RNF40: variants seen among roughly 807,000 people sequenced by gnomAD.
The protein encoded by RNF40 is ring finger protein 40.
In RNF40, 39 loss-of-function variants were observed where a neutral mutation model predicts 123.3. The ratio of observed to expected loss-of-function variants is 0.32; its 90% CI spans 0.24 to 0.41. The LOEUF (loss-of-function observed/expected upper bound fraction) is 0.41, where lower values mean the gene tolerates loss of function less well. Ranked by LOEUF, RNF40 falls within the 10% of genes least tolerant of loss-of-function variation. The pLI is 1.00. For missense variants in RNF40, 1,003 were observed against 1,319.9 expected (o/e 0.76, Z 3.72); for synonymous variants, 538 against 526.0 (o/e 1.02, Z -0.31).
At position 30,763,180 on chromosome 16, in the gene RNF40, A is replaced by G; in HGVS notation, c.195A>G (p.Gln65=). The change falls in exon 3 of 20, where the codon CAA becomes CAG. Residue 65 remains glutamine, a synonymous_variant. Transcript: ENST00000324685. ...KNKKLAERLE[Q]RQACEDELRE... ...AGAAACTGGCAGAGCGGCTGGAACA[A>G]CGGCAGGCTTGTGAAGATGAACTCC... is the stretch of plus-strand genomic sequence containing the variant. 1 of 1,613,716 alleles carries G rather than the reference A, an allele frequency of 6.2e-7. No homozygotes were observed. Among genetic ancestry groups the G allele is most frequent in the Non-Finnish European group, 8.5e-7 (1 of 1,180,040 alleles).
chr16:30,765,544 G>A, intron 8 of RNF40, 45 bp downstream of exon 8: 1 of 1,556,694 alleles, frequency 6.4e-7, no homozygotes, highest in South Asian at 1.1e-5. Flanking sequence ...CCTCTTCTCT[G>A]TTGCACTCTT....
chr16:30,769,635 T>C, intron 17 of RNF40, 35 bp downstream of exon 17: 1 of 1,494,898 alleles, frequency 6.7e-7, no homozygotes, highest in Non-Finnish European at 8.9e-7. Flanking sequence ...CAGCTTGGGC[T>C]GCTGGCTCAC....
Position 30,768,309 on chromosome 16 carries a change from A to T in RNF40, c.1758A>T (p.Glu586Asp). The T allele has an allele frequency of 6.2e-7, 1 of 1,613,882 alleles. No homozygotes were observed. The highest frequency in any genetic ancestry group is 2.2e-5 in the East Asian group (1 of 44,870). Residue 586 changes from glutamate (E) to aspartate (D), a missense_variant, in exon 13 of 20, where the codon GAA (glutamate) becomes GAT (aspartate). Transcript: ENST00000324685. This position sits in a 1 kb window ranked among gnomAD's most constrained non-coding sequence, Gnocchi z 4.1. ...AGAAGGAGGAGCTGGTCCCCTCTGAAGAGGACTTCCAGGGTATAACCCCTG... is the reference window on the plus strand; with the variant it reads ...AGAAGGAGGAGCTGGTCCCCTCTGATGAGGACTTCCAGGGTATAACCCCTG... ...SVKKEELVPS[E>D]EDFQGITPGA...
chr16:30,772,035 C>A, intron 18 of RNF40, 54 bp from the exon 19 acceptor site: 1 of 1,581,564 alleles, frequency 6.3e-7, no homozygotes, highest in Non-Finnish European at 8.6e-7. Context: ...ATCCTGGGGG[C>A]AAGCGGCTCA....
chr16:30,767,652 AAC>A, intron 11 of RNF40: 1 of 439,790 alleles, frequency 2.3e-6, no homozygotes, highest in Non-Finnish European at 4.1e-6. Context: ...TTAAAAAAAA[AAC>A]AAAAAACCCC....
chr16:30,770,787 C>T (rs1372226508), intron 17 of RNF40, among the ~76,000 whole-genome samples: 1 of 152,188 alleles, frequency 6.6e-6, no homozygotes, highest in African/African-American at 2.4e-5. Flanking sequence ...TCTCAGTTCA[C>T]TGCAACCTCC....
Position 30,775,195 on chromosome 16 carries a change from A to G in RNF40, c.*1081A>G. 1 of 353,954 alleles carries G rather than the reference A, an allele frequency of 2.8e-6. No homozygotes were observed. The allele number at this position is 353,954 out of a possible 1,614,324, so 21.9% of individuals were successfully genotyped here. A position where few individuals can be genotyped will look rare whatever the true frequency, so the allele number is the denominator to read the frequency against. Reference sequence around the variant, plus strand: ...CGTTCAACCCTCGGCCTGCAGCCAGAGTAGCCAGGCCGCGCACCCCAAATG... The same window carrying G: ...CGTTCAACCCTCGGCCTGCAGCCAGGGTAGCCAGGCCGCGCACCCCAAATG... On this transcript the variant is annotated 3_prime_UTR_variant, in exon 20 of 20. Transcript: ENST00000324685.
At position 30,768,285 on chromosome 16, in the gene RNF40, G is replaced by A. The variant is rs1203661442; in HGVS notation, c.1734G>A (p.Lys578=). 2.5e-6 allele frequency: 4 copies of A among 1,613,910 alleles called. No homozygotes were observed. Among genetic ancestry groups the A allele is most frequent in the East Asian group, 2.2e-5 (1 of 44,888 alleles). Reference sequence around the variant, plus strand: ...CCACCACTACTACCACTTCAGTGAAGAAGGAGGAGCTGGTCCCCTCTGAAG... The same window carrying A: ...CCACCACTACTACCACTTCAGTGAAAAAGGAGGAGCTGGTCCCCTCTGAAG... ...PGTTTTTTSV[K]KEELVPSEED... is the part of the protein sequence containing the mutation. Residue 578 remains lysine (K), a synonymous_variant, in exon 13 of 20, where the codon AAG becomes AAA. Transcript: ENST00000324685. This position sits in a 1 kb window ranked among gnomAD's most constrained non-coding sequence, Gnocchi z 4.1.
Position 30,771,993 on chromosome 16 carries a change from G to T in RNF40, c.2727+20G>T. ...GCTCAGGTGTGTGCAGGGGTGAGGG[G>T]CCAGGCCAGGGTGGTCCACGGTCAC... On this transcript the variant is annotated intron_variant, in intron 18 of 19. Coordinates refer to ENST00000324685, the MANE Select transcript of RNF40 (RefSeq NM_014771.4). 1 of 1,586,564 alleles carries T rather than the reference G, an allele frequency of 6.3e-7. No individual in the cohort carries two copies. Among genetic ancestry groups the T allele is most frequent in the South Asian group, 1.1e-5 (1 of 87,656 alleles).
upstream of RNF40, chr16:30,762,038 G>C: frequency 4.1e-6 from 2 of 482,500 alleles, no homozygotes; most frequent in Non-Finnish European, 7.3e-6. Flanking sequence ...CCACCTGGGC[G>C]CCCTCTCTTC....
upstream of RNF40, chr16:30,761,664 C>T: frequency 2.0e-6 from 3 of 1,535,914 alleles, no homozygotes; most frequent in Non-Finnish European, 1.7e-6. Flanking sequence ...CGATCCTTCC[C>T]CGCTTCCCGC....
intron 11 of RNF40, 26 bp from the exon 12 acceptor site, chr16:30,767,868 A>C (rs1365693347): frequency 1.2e-6 from 2 of 1,613,974 alleles, no homozygotes; most frequent in South Asian, 1.1e-5. Flanking sequence ...TGGTTCTGAC[A>C]CCTTTACTTG....
At position 30,767,985 on chromosome 16, in the gene RNF40, G is replaced by C. The variant is rs1276099332; in HGVS notation, c.1521G>C (p.Lys507Asn). Residue 507 changes from lysine to asparagine, a missense_variant, in exon 12 of 20, where the codon AAG becomes AAC. Coordinates refer to ENST00000324685, the MANE Select transcript of RNF40 (RefSeq NM_014771.4). Reference sequence around the variant, plus strand: ...GGGACGCCCAGCGATACAAGCGGAAGCTTCGAGAAGTACAAGCTGAGATTG... The same window carrying C: ...GGGACGCCCAGCGATACAAGCGGAACCTTCGAGAAGTACAAGCTGAGATTG... The part of the protein sequence containing the change: ...LKGDAQRYKR[K>N]LREVQAEIGK... 6.2e-7 allele frequency: 1 copy of C among 1,614,208 alleles called. No homozygotes were observed. The highest frequency in any genetic ancestry group is 1.1e-5 in the South Asian group (1 of 91,084).
At position 30,774,735 on chromosome 16, in the gene RNF40, C is replaced by T. The variant is rs1235918864; in HGVS notation, c.*621C>T. ...CCTTTGGGAAGCTCTAAGGTTGCTG[C>T]AGTCACCTTCCTCATCTTGCAGGTG... On this transcript the variant is annotated 3_prime_UTR_variant, in exon 20 of 20. Coordinates refer to ENST00000324685, the MANE Select transcript of RNF40 (RefSeq NM_014771.4). The T allele has an allele frequency of 1.7e-5, 6 of 343,406 alleles. No homozygotes were observed. Among genetic ancestry groups the T allele is most frequent in the Non-Finnish European group, 3.5e-5 (6 of 173,664 alleles). The allele number at this position is 343,406 out of a possible 1,614,324, so 21.3% of individuals were successfully genotyped here. A position where few individuals can be genotyped will look rare whatever the true frequency, so the allele number is the denominator to read the frequency against.
In RNF40 at chr16:30,765,220, A is replaced by T. The variant is rs1223393569; in HGVS notation, c.811A>T (p.Lys271Ter). The change falls in exon 7 of 20, where the codon AAG becomes TAG. Residue 271 changes from lysine to a stop codon, truncating the protein, a stop_gained. Transcript: ENST00000324685. LOFTEE classifies it high-confidence loss of function. ...LQDKVTSAET[K>*]VLEMETTVED... ...GGATAAAGTGACATCGGCAGAGACC[A>T]AGGTGCTGGAGATGGAGACAACAGT... 1 of 1,614,096 alleles carries T rather than the reference A, an allele frequency of 6.2e-7. No individual in the cohort carries two copies. The highest frequency in any genetic ancestry group is 8.5e-7 in the Non-Finnish European group (1 of 1,180,042).
chr16:30,768,631 G>T lies in RNF40; in HGVS notation c.1992G>T (p.Glu664Asp). ...GLRAELKKAQ[E>D]SQKEMKLLLD... ...ACCTTCTTGCCAGGAAGGCCCAGGAGAGCCAGAAGGAGATGAAACTGCTGC... is the reference window on the plus strand; with the variant it reads ...ACCTTCTTGCCAGGAAGGCCCAGGATAGCCAGAAGGAGATGAAACTGCTGC... The change falls in exon 14 of 20, where the codon GAG becomes GAT. Residue 664 changes from glutamate (E) to aspartate (D), a missense_variant. Physicochemically the swap from Glu to Asp is conservative, Grantham distance 45. This residue lies in a region of RNF40 where 295 missense variants were observed against 331.7 expected (regional missense o/e 0.89). Transcript: ENST00000324685. The surrounding 1 kb of genome is among the most constrained non-coding windows in gnomAD (Gnocchi z 4.1). 1 of 1,614,250 alleles carries T rather than the reference G, an allele frequency of 6.2e-7. No individual in the cohort carries two copies. Among genetic ancestry groups the T allele is most frequent in the Non-Finnish European group, 8.5e-7 (1 of 1,180,046 alleles).
At chr16:30,764,564 C>T (rs1328224422) in intron 5 of RNF40, among the ~76,000 whole-genome samples, 179 bp downstream of exon 5, 4 of 152,134 alleles carry the variant, frequency 2.6e-5, no homozygotes, top group Non-Finnish European at 4.4e-5. Flanking sequence ...ACTTTGATTC[C>T]GGGATTGAAT....
upstream of RNF40, chr16:30,762,025 T>C: frequency 2.0e-6 from 1 of 496,690 alleles, no homozygotes; most frequent in East Asian, 3.5e-5. Context: ...AAGTTGCGAG[T>C]GCCCACCTGG....
rs1051926116 is a variant in RNF40 at position 30,776,258 on chromosome 16, A to G, written c.*2144A>G. 1.3e-5 allele frequency: 2 copies of G among 152,168 alleles called. No homozygotes were observed. The highest frequency in any genetic ancestry group is 4.8e-5 in the African/African-American group (2 of 41,422). 9.4% of individuals were successfully genotyped at this position (152,168 alleles called of 1,614,324 possible). A position where few individuals can be genotyped will look rare whatever the true frequency, so the allele number is the denominator to read the frequency against. Reference sequence around the variant, plus strand: ...ACCCGGTCTCCTTATCAGAGGGGCAAAACTCTCCTCGTGGGTCTTCATACC... The same window carrying G: ...ACCCGGTCTCCTTATCAGAGGGGCAGAACTCTCCTCGTGGGTCTTCATACC... On this transcript the variant is annotated 3_prime_UTR_variant, in exon 20 of 20. Transcript: ENST00000324685.
Sources: gnomAD v4.1 joint callset for allele counts (sites outside exome capture counted in the v4.1 genomes callset) on GRCh38, gnomAD v4.1.1 for gene constraint, gnomAD v4.1.1 regional missense constraint, Gnocchi (gnomAD v3.1) non-coding constraint, MANE v1.5 for transcripts, NCBI Gene and HGNC (gene_info 2026-07-23, HGNC 2026-07-21) for gene names.